The following CPLX2 variants were observed in gnomAD, a reference collection of about 807,000 sequenced individuals.
CPLX2 encodes the protein complexin 2.
A neutral mutation model predicts 16.3 loss-of-function variants in CPLX2; 5 were observed. The ratio of observed to expected loss-of-function variants is 0.31; its 90% CI spans 0.16 to 0.64. The LOEUF (loss-of-function observed/expected upper bound fraction) is 0.64, where lower values mean the gene tolerates loss of function less well. Among genes scored for constraint, CPLX2 ranks in the 30% least tolerant of loss-of-function variants. The probability of loss-of-function intolerance (pLI) is 0.79; values close to 1 mark genes in which losing one functional copy is unlikely to be tolerated. For missense variants in CPLX2, 144 were observed against 181.4 expected (o/e 0.79, Z 1.18); for synonymous variants, 89 against 73.2 (o/e 1.22, Z -1.10).
chr5:175,800,186 G>A (rs962906357), intron 1 of CPLX2, among the ~76,000 whole-genome samples: 2 of 152,018 alleles, frequency 1.3e-5, no homozygotes, highest in African/African-American at 4.8e-5. Context: ...GGCCATGATG[G>A]GTATGTGTGT....
Position 175,846,144 on chromosome 5 carries a change from C to T in CPLX2, c.-88-32508C>T, listed in dbSNP as rs574307085. ...AAACACACACACCCGCACCCCCCTG[C>T]CTGGCCAAGTCCTCCCCAAGGGTGG... On this transcript the variant is annotated intron_variant, in intron 2 of 4. Coordinates refer to the CPLX2 transcript ENST00000359546. Among the ~76,000 whole-genome samples the T allele has an allele frequency of 4.6e-5, 7 of 152,290 alleles. No individual in the cohort carries two copies. The East Asian group carries it at 1.2e-3, about 25-fold the overall frequency.
chr5:175,879,951 G>T lies in CPLX2; in HGVS notation c.311G>T (p.Gly104Val). The T allele has an allele frequency of 6.2e-7, 1 of 1,614,030 alleles. No homozygotes were observed. Among genetic ancestry groups the T allele is most frequent in the Non-Finnish European group, 8.5e-7 (1 of 1,179,964 alleles). ...CGGCCCAAGAAGGCCATCCCTGCGG[G>T]CTGCGGGGACGAGGAGGAGGAGGAA... is the stretch of plus-strand genomic sequence containing the variant. ...LTRPKKAIPA[G>V]CGDEEEEEEE... Residue 104 changes from glycine to valine, a missense_variant, in exon 4 of 4, where the codon GGC becomes GTC. Coordinates refer to ENST00000393745, the MANE Select transcript of CPLX2 (RefSeq NM_001008220.2).
chr5:175,839,866 T>TATATA (rs1474807942), intron 2 of CPLX2, among the ~76,000 whole-genome samples: 3 of 152,266 alleles, frequency 2.0e-5, no homozygotes, highest in African/African-American at 7.2e-5. Context: ...CATCCAATTA[T>TATATA]ATATAAATCT....
intron 3 of CPLX2, among the ~76,000 whole-genome samples, chr5:175,879,349 C>T (rs1287005786): frequency 6.6e-6 from 1 of 152,170 alleles, no homozygotes. Context: ...ATCTTTGGGA[C>T]CAAAAATGAG....
At chr5:175,843,347 C>T (rs1758980780) in intron 2 of CPLX2, among the ~76,000 whole-genome samples, 1 of 152,248 alleles carries the variant, frequency 6.6e-6, no homozygotes, top group Admixed American at 6.5e-5. Context: ...TGGTCTCACG[C>T]ATGCACACAC....
At chr5:175,820,653 C>T (rs777504181) in intron 2 of CPLX2, among the ~76,000 whole-genome samples, 1 of 152,158 alleles carries the variant, frequency 6.6e-6, no homozygotes, top group Non-Finnish European at 1.5e-5. Context: ...CCAAGCAGCC[C>T]CCCGCCCCCT....
chr5:175,808,109 C>T (rs931873817), intron 1 of CPLX2, among the ~76,000 whole-genome samples: 1 of 152,168 alleles, frequency 6.6e-6, no homozygotes, highest in Non-Finnish European at 1.5e-5. Flanking sequence ...GCCTTGGTGC[C>T]CCGCCCAGTG....
chr5:175,860,575 G>GAGGC (rs1466574470), intron 2 of CPLX2, among the ~76,000 whole-genome samples: 1 of 122,768 alleles, frequency 8.1e-6, no homozygotes, highest in Non-Finnish European at 1.7e-5. Flanking sequence ...AGAAGGGAGG[G>GAGGC]AGGGAGGGAG....
intron 2 of CPLX2, among the ~76,000 whole-genome samples, chr5:175,815,384 C>T (rs756567326): frequency 7.2e-5 from 11 of 152,116 alleles, no homozygotes; most frequent in Non-Finnish European, 1.3e-4. Flanking sequence ...GCGGAGAGCA[C>T]ATGCATGGAG....
At position 175,853,841 on chromosome 5, in the gene CPLX2, G is replaced by C. The variant is rs116361567; in HGVS notation, c.-88-24811G>C. 6.2e-3 allele frequency among the ~76,000 whole-genome samples: 951 copies of C among 152,276 alleles called. 9 individuals carry two copies. Among genetic ancestry groups the C allele is most frequent in the African/African-American group, 0.022 (906 of 41,564 alleles). On this transcript the variant is annotated intron_variant, in intron 2 of 4. Transcript: ENST00000359546. The stretch of plus-strand genomic sequence containing the variant: ...TCCCTCCCCAGCTTCCCCCTCTGTG[G>C]AGTGCGATTGCTGCAATGCCCACTT...
intron 2 of CPLX2, among the ~76,000 whole-genome samples, chr5:175,822,503 GCT>G (rs776383113): frequency 1.3e-5 from 2 of 152,200 alleles, no homozygotes; most frequent in African/African-American, 2.4e-5. Context: ...CGTTAACGAG[GCT>G]CTTTAGACTT....
intron 2 of CPLX2, among the ~76,000 whole-genome samples, chr5:175,862,318 A>AG (rs1487190478): frequency 6.6e-6 from 1 of 152,210 alleles, no homozygotes; most frequent in African/African-American, 2.4e-5. Context: ...GCTACAATGA[A>AG]GGGGTCCACA....
Position 175,880,966 on chromosome 5 carries a change from G to A in CPLX2, c.*921G>A, listed in dbSNP as rs62387141. On this transcript the variant is annotated 3_prime_UTR_variant, in exon 4 of 4. Coordinates refer to ENST00000393745, the MANE Select transcript of CPLX2 (RefSeq NM_001008220.2). ...GTCCATGCGCTTCCAGGGCCCCACG[G>A]TCCCCAGGAGGACGCTTCCTGGCCA... 0.082 allele frequency: 12,493 copies of A among 152,728 alleles called. 559 individuals are homozygous for A. Among genetic ancestry groups the A allele is most frequent in the East Asian group, 0.15 (777 of 5,160 alleles). 9.5% of individuals were successfully genotyped at this position (152,728 alleles called of 1,614,324 possible).
rs79273265 is a variant in CPLX2, at chr5:175,860,962, A to T, written c.-88-17690A>T. Among the ~76,000 whole-genome samples the T allele has an allele frequency of 2.3e-3, 346 of 151,422 alleles. 4 individuals are homozygous for T. The highest frequency in any genetic ancestry group is 8.1e-3 in the African/African-American group (334 of 41,098). ...AGTGATAGGGTGAGAGCATGGAAGG[A>T]TCTCATGGGGTTATGTGTGTGGGTG... On this transcript the variant is annotated intron_variant, in intron 2 of 4. Transcript: ENST00000359546.
intron 2 of CPLX2, among the ~76,000 whole-genome samples, chr5:175,863,118 AG>A (rs1759403332): frequency 6.6e-6 from 1 of 152,206 alleles, no homozygotes; most frequent in Admixed American, 6.5e-5. Flanking sequence ...AAGTGCACAA[AG>A]GCCTACCCCA....
intron 2 of CPLX2, among the ~76,000 whole-genome samples, chr5:175,852,000 T>C (rs1759165514): frequency 6.6e-6 from 1 of 152,204 alleles, no homozygotes; most frequent in Admixed American, 6.5e-5. Flanking sequence ...CACAGGGGGC[T>C]GAACAGCAAT....
intron 2 of CPLX2, among the ~76,000 whole-genome samples, chr5:175,836,574 C>T (rs1442775846): frequency 2.0e-5 from 3 of 152,072 alleles, no homozygotes; most frequent in Non-Finnish European, 4.4e-5. Flanking sequence ...TTGCTATTCT[C>T]ACCAGGTGTT....
chr5:175,799,451 AG>A (rs1758046745), intron 1 of CPLX2, among the ~76,000 whole-genome samples: 1 of 151,040 alleles, frequency 6.6e-6, no homozygotes, highest in African/African-American at 2.4e-5. Flanking sequence ...TGGAAAAGGA[AG>A]GGGGGCAAGA....
At chr5:175,823,471 A>C (rs1357923646) in intron 2 of CPLX2, among the ~76,000 whole-genome samples, 3 of 152,180 alleles carry the variant, frequency 2.0e-5, no homozygotes, top group Admixed American at 2.0e-4. Flanking sequence ...TGGATGGATG[A>C]ATGGTTCAGA....
Sources: allele counts gnomAD v4.1 joint callset (sites outside exome capture counted in the v4.1 genomes callset), GRCh38; gene constraint gnomAD v4.1.1; transcripts MANE v1.5; gene names NCBI Gene and HGNC (gene_info 2026-07-23, HGNC 2026-07-21).